Variants in ANKDD1A observed in about 807,000 individuals in gnomAD.
ANKDD1A encodes the protein ankyrin repeat and death domain containing 1A.
Under a neutral mutation model 63.5 loss-of-function variants are expected in ANKDD1A, and 59 were observed. The observed-to-expected ratio is 0.93, with a 90% CI of 0.75 to 1.15. The LOEUF is 1.15. Among genes scored for constraint, ANKDD1A ranks in the 50% most tolerant of loss-of-function variants. ANKDD1A has a pLI of 0.00. For missense variants in ANKDD1A, 632 were observed against 656.4 expected, an observed-to-expected ratio of 0.96 and a Z score of 0.41; for synonymous variants, 266 against 263.9, an observed-to-expected ratio of 1.01 and a Z score of -0.08.
At chr15:64,914,176 C>CG in intron 1 of ANKDD1A, 1 of 152,106 alleles carries the variant, frequency 6.6e-6, no homozygotes, top group African/African-American at 2.4e-5. Flanking sequence ...TTAGTAGAGA[C>CG]GGGGTTTCAC....
At chr15:64,954,332 CT>C in intron 14 of ANKDD1A, among the ~76,000 whole-genome samples, 1 of 91,362 alleles carries the variant, frequency 1.1e-5, no homozygotes, top group East Asian at 3.5e-4. Flanking sequence ...GTTCTTCCTT[CT>C]TCTTCCTCCT....
intron 10 of ANKDD1A, chr15:64,943,264 G>C: frequency 1.9e-6 from 1 of 537,050 alleles, no homozygotes; most frequent in Non-Finnish European, 3.3e-6. Flanking sequence ...GTTTATCAGA[G>C]TTTATAGTAC....
rs184249984 is a variant in ANKDD1A at position 64,921,531 on chromosome 15, C to T, written c.268-390C>T. On this transcript the variant is annotated intron_variant, in intron 3 of 14. Transcript: ENST00000319580. ...CTGGGATTACAGGTGCCCACCACCA[C>T]GCTCGGCTAATTTTTCTATTTTTAG... Among the ~76,000 whole-genome samples, 529 of 152,168 alleles carry T rather than the reference C, an allele frequency of 3.5e-3. 3 individuals carry two copies. The highest frequency in any genetic ancestry group is 0.01 in the African/African-American group (426 of 41,516).
intron 3 of ANKDD1A, among the ~76,000 whole-genome samples, 200 bp downstream of exon 3, chr15:64,917,714 C>A (rs1178454120): frequency 6.6e-6 from 1 of 152,208 alleles, no homozygotes; most frequent in African/African-American, 2.4e-5. Context: ...TCTCCACTTT[C>A]AAGGGTCTTT....
At chr15:64,939,119 G>A (rs1273299294) in intron 9 of ANKDD1A, among the ~76,000 whole-genome samples, 1 of 151,772 alleles carries the variant, frequency 6.6e-6, no homozygotes, top group African/African-American at 2.4e-5. Flanking sequence ...CAACTTTCAC[G>A]TAAAACTAAA....
chr15:64,953,351 TTAG>T (rs1297486114), intron 14 of ANKDD1A, among the ~76,000 whole-genome samples: 8 of 150,524 alleles, frequency 5.3e-5, no homozygotes, highest in Non-Finnish European at 1.2e-4. Flanking sequence ...CTCCTTCTTC[TTAG>T]TTCTTCTTTC....
chr15:64,951,738 C>T (rs2085285322), intron 14 of ANKDD1A, among the ~76,000 whole-genome samples: 10 of 5,424 alleles, frequency 1.8e-3, no homozygotes, highest in East Asian at 0.029. Context: ...TTCTTTCCTC[C>T]TTCTTCCTCT....
At chr15:64,955,674 G>T (rs375722869) in intron 14 of ANKDD1A, among the ~76,000 whole-genome samples, 40 of 152,268 alleles carry the variant, frequency 2.6e-4, no homozygotes, top group African/African-American at 9.6e-4. Flanking sequence ...GTGGCGTTTA[G>T]GAGCCTACAT....
chr15:64,952,654 T>TCTCCTC (rs1595859456), intron 14 of ANKDD1A, among the ~76,000 whole-genome samples: 2 of 150,760 alleles, frequency 1.3e-5, no homozygotes, highest in African/African-American at 2.4e-5. Flanking sequence ...TCCTTCTCCT[T>TCTCCTC]CTTCTTCCCC....
intron 14 of ANKDD1A, among the ~76,000 whole-genome samples, chr15:64,954,158 TCTTTC>T (rs1236661116): frequency 3.4e-5 from 2 of 58,944 alleles, no homozygotes; most frequent in South Asian, 8.1e-4. Flanking sequence ...TCCTTATTAT[TCTTTC>T]TTCTTTCTTT....
rs547472840 is a variant in ANKDD1A at position 64,949,864 on chromosome 15, G to A, written c.1375G>A (p.Gly459Ser). 9.4e-6 allele frequency: 15 copies of A among 1,603,116 alleles called. No homozygotes were observed. Among genetic ancestry groups the A allele is most frequent in the African/African-American group, 2.7e-5 (2 of 75,046 alleles). ...AGGCACCAGGAGCTATCAGGAGCAC[G>A]GCCACCGAATGCTGCTCATTTGGCT... ...WTGTRSYQEH[G>S]HRMLLIWLHG... Residue 459 changes from glycine (G) to serine (S), a missense_variant, in exon 14 of 15, where the codon GGC (glycine) becomes AGC (serine). Transcript: ENST00000319580.
At chr15:64,941,416 G>T (rs1446453156) in intron 9 of ANKDD1A, among the ~76,000 whole-genome samples, 1 of 152,182 alleles carries the variant, frequency 6.6e-6, no homozygotes. Flanking sequence ...CCAGCATCTT[G>T]TAAGGGCCTT....
At chr15:64,911,996 G>A (rs1312749601) in intron 1 of ANKDD1A, 32 bp downstream of exon 1, 14 of 320,564 alleles carry the variant, frequency 4.4e-5, no homozygotes, top group Non-Finnish European at 6.4e-5. Flanking sequence ...AGGGGGGCGG[G>A]CCGAGGCCGA....
At chr15:64,912,068 C>T (rs972987926) in intron 1 of ANKDD1A, 104 bp downstream of exon 1, 8 of 1,129,066 alleles carry the variant, frequency 7.1e-6, no homozygotes, top group East Asian at 3.2e-5. Context: ...CGAACGGCCA[C>T]CTCCGTGTGG....
intron 14 of ANKDD1A, among the ~76,000 whole-genome samples, chr15:64,954,722 C>CTCT (rs2140394038): frequency 1.0e-5 from 1 of 98,746 alleles, no homozygotes; most frequent in South Asian, 4.1e-4. Context: ...TCTCCTTCTC[C>CTCT]TCCTCCTTCT....
Position 64,934,190 on chromosome 15 carries a change from C to T in ANKDD1A, c.823C>T (p.Arg275Trp), listed in dbSNP as rs537030205. 84 of 1,612,450 alleles carry T rather than the reference C, an allele frequency of 5.2e-5. No homozygotes were observed. The East Asian group carries it at 1.6e-3, about 32-fold the overall frequency. ...CCTCAGTGGCTCGGAGGATGTGTCT[C>T]GGGTCCTCATCCACGCAGGAGGCTG... ...AALSGSEDVS[R>W]VLIHAGGCAN... The change falls in exon 9 of 15, where the codon CGG becomes TGG. Residue 275 changes from arginine to tryptophan, a missense_variant. Physicochemically the swap from Arg to Trp is moderately radical, Grantham distance 101. Coordinates refer to ENST00000319580, the MANE Select transcript of ANKDD1A (RefSeq NM_182703.6).
intron 9 of ANKDD1A, among the ~76,000 whole-genome samples, chr15:64,935,966 C>T (rs2085128693): frequency 2.6e-5 from 4 of 152,106 alleles, no homozygotes; most frequent in Admixed American, 1.3e-4. Context: ...TGGTGTTAGG[C>T]CTGGCTTTGT....
intron 3 of ANKDD1A, 94 bp downstream of exon 3, chr15:64,917,608 T>C: frequency 6.7e-7 from 1 of 1,482,782 alleles, no homozygotes; most frequent in Non-Finnish European, 9.0e-7. Flanking sequence ...GCTGCTAATA[T>C]GCAGACATTC....
intron 14 of ANKDD1A, among the ~76,000 whole-genome samples, chr15:64,953,631 C>CTTCTTAG (rs2085352127): frequency 0.022 from 48 of 2,166 alleles, 1 homozygote; most frequent in East Asian, 0.062. Flanking sequence ...CTTCTTCTTC[C>CTTCTTAG]TTCTTCTTCC....
Sources: allele counts gnomAD v4.1 joint callset (sites outside exome capture counted in the v4.1 genomes callset), GRCh38; gene constraint gnomAD v4.1.1; transcripts MANE v1.5; gene names NCBI Gene and HGNC (gene_info 2026-07-23, HGNC 2026-07-21).